Variants in CASP2 observed in about 807,000 individuals in gnomAD.
CASP2 encodes the protein caspase-2.
CASP2 carries 38 observed loss-of-function variants against 54.4 expected under a neutral mutation model. The observed-to-expected ratio is 0.70, with a 90% confidence interval of 0.54 to 0.92. The LOEUF (loss-of-function observed/expected upper bound fraction) is 0.92. Among genes scored for constraint, CASP2 ranks in the 40% least tolerant of loss-of-function variants. CASP2 has a pLI of 0.00. For synonymous variants in CASP2, 215 were observed against 216.3 expected (o/e 0.99, Z 0.05); for missense variants, 512 against 579.6 (o/e 0.88, Z 1.20).
intron 6 of CASP2, among the ~76,000 whole-genome samples, chr7:143,299,587 C>G (rs1400414503): frequency 6.6e-6 from 1 of 152,178 alleles, no homozygotes; most frequent in Non-Finnish European, 1.5e-5. Context: ...GGCAGTTGCT[C>G]TAATGAAGGA....
intron 8 of CASP2, chr7:143,301,292 A>C (rs1056571843): frequency 6.6e-6 from 1 of 152,084 alleles, no homozygotes; most frequent in African/African-American, 2.4e-5. Flanking sequence ...TCATGTGGCC[A>C]AATGTAAATA....
Position 143,292,288 on chromosome 7 carries a change from C to T in CASP2, c.226-12C>T, listed in dbSNP as rs1451893188. 1.2e-6 allele frequency: 2 copies of T among 1,613,550 alleles called. No individual in the cohort carries two copies. The highest frequency in any genetic ancestry group is 1.7e-6 in the Non-Finnish European group (2 of 1,179,566). ...AGTAAATATGATTTCATGTTTTATT[C>T]TTGTGTCTTAGGCCAAAGTGGGCAG... On this transcript the variant is annotated splice_polypyrimidine_tract_variant and intron_variant, in intron 2 of 10. Coordinates refer to ENST00000310447, the MANE Select transcript of CASP2 (RefSeq NM_032982.4).
chr7:143,293,105 C>CTTTTTTTTGTTTTTTTTT, intron 4 of CASP2: 2 of 610,828 alleles, frequency 3.3e-6, no homozygotes, highest in African/African-American at 2.2e-5. Context: ...AACATGAGCC[C>CTTTTTTTTGTTTTTTTTT]TTTTTTTTGT....
At chr7:143,289,965 C>T (rs1366117208) in intron 1 of CASP2, among the ~76,000 whole-genome samples, 1 of 151,934 alleles carries the variant, frequency 6.6e-6, no homozygotes. Flanking sequence ...AACTATAAAT[C>T]TCTCACCCAA....
chr7:143,288,798 T>A (rs894882366), intron 1 of CASP2, among the ~76,000 whole-genome samples: 1 of 151,974 alleles, frequency 6.6e-6, no homozygotes, highest in Admixed American at 6.5e-5. Context: ...AAAGGGGAGG[T>A]CTTTGCAGTC....
At chr7:143,303,406 C>T (rs935152837) in intron 8 of CASP2, 2 of 171,894 alleles carry the variant, frequency 1.2e-5, no homozygotes, top group Middle Eastern at 2.7e-3. Context: ...CAATAAAAAG[C>T]ACTGTGACTC....
At chr7:143,295,490 C>T (rs1801717361) in intron 6 of CASP2, among the ~76,000 whole-genome samples, 1 of 152,182 alleles carries the variant, frequency 6.6e-6, no homozygotes, top group Non-Finnish European at 1.5e-5. Context: ...TTCTATTTTG[C>T]AATCAATAAT....
Position 143,305,581 on chromosome 7 carries a change from A to G in CASP2, c.*510A>G, listed in dbSNP as rs1446182084. The G allele has an allele frequency of 2.2e-5, 6 of 267,868 alleles. No individual in the cohort carries two copies. The highest frequency in any genetic ancestry group is 1.3e-4 in the South Asian group (3 of 23,782). The allele number at this position is 267,868 out of a possible 1,614,324, so 16.6% of individuals were successfully genotyped here. On this transcript the variant is annotated 3_prime_UTR_variant, in exon 11 of 11. Coordinates refer to ENST00000310447, the MANE Select transcript of CASP2 (RefSeq NM_032982.4). The stretch of plus-strand genomic sequence containing the variant: ...ATTATCTTTTGGCTCTGAAGAAGCA[A>G]ACATGACTAGAGACGCACCTTGCTG...
At position 143,291,627 on chromosome 7, in the gene CASP2, C is replaced by T. The variant is rs370888284; in HGVS notation, c.162C>T (p.Ser54=). Residue 54 remains serine, a synonymous_variant, in exon 2 of 11, where the codon AGC becomes AGT. Transcript: ENST00000310447. ...RVVLAKQLLL[S]ELLEHLLEKD... ...TGCTAGCCAAACAGCTGTTGTTGAG[C>T]GAATTGTTAGAACATCTTCTGGAGA... The T allele has an allele frequency of 6.2e-6, 10 of 1,613,686 alleles. No individual in the cohort carries two copies. The highest frequency in any genetic ancestry group is 2.7e-5 in the African/African-American group (2 of 74,774).
chr7:143,306,096 A>G lies in CASP2; in HGVS notation c.*1025A>G, dbSNP rs1182796119. The G allele has an allele frequency of 6.6e-6, 1 of 152,112 alleles. No individual in the cohort carries two copies. The highest frequency in any genetic ancestry group is 1.5e-5 in the Non-Finnish European group (1 of 68,016). 9.4% of individuals were successfully genotyped at this position (152,112 alleles called of 1,614,324 possible). A position where few individuals can be genotyped will look rare whatever the true frequency, so the allele number is the denominator to read the frequency against. ...GATCATGTAAATGCTCAAAGATGTA[A>G]TGTAGTTCTTTGTTCCTGCTTTCTC... On this transcript the variant is annotated 3_prime_UTR_variant, in exon 11 of 11. Transcript: ENST00000310447.
At chr7:143,294,411 T>C in intron 5 of CASP2, 87 bp downstream of exon 5, 3 of 1,081,446 alleles carry the variant, frequency 2.8e-6, no homozygotes, top group Non-Finnish European at 4.3e-6. Context: ...CATGTACATT[T>C]CCTTTCTGCC....
chr7:143,300,802 C>T, intron 8 of CASP2: 1 of 1,170,634 alleles, frequency 8.5e-7, no homozygotes, highest in Non-Finnish European at 1.1e-6. Context: ...GATAGCAGAA[C>T]AGAATCCGTG....
rs1304518688 is a variant in CASP2, at chr7:143,299,993, C to T, written c.818C>T (p.Ala273Val). The T allele has an allele frequency of 2.5e-6, 4 of 1,614,124 alleles. No homozygotes were observed. Among genetic ancestry groups the T allele is most frequent in the East Asian group, 2.2e-5 (1 of 44,874 alleles). The change falls in exon 7 of 11, where the codon GCA becomes GTA. Residue 273 changes from alanine to valine, a missense_variant. Transcript: ENST00000310447. ...CGAGTCACGGACTCCTGCATCGTGG[C>T]ACTCCTCTCGCATGGTGTGGAGGGC... ...AHRVTDSCIV[A>V]LLSHGVEGAI...
chr7:143,294,173 A>G (rs1801673576), intron 4 of CASP2, 57 bp from the exon 5 acceptor site: 1 of 937,970 alleles, frequency 1.1e-6, no homozygotes, highest in Non-Finnish European at 1.8e-6. Flanking sequence ...ACAATGACAT[A>G]TTAAGATTGA....
intron 4 of CASP2, 101 bp downstream of exon 4, chr7:143,292,799 T>C: frequency 1.1e-6 from 1 of 911,760 alleles, no homozygotes; most frequent in East Asian, 2.5e-5. Context: ...TCACCTGAGG[T>C]CAGGAGTTCG....
chr7:143,290,184 C>T (rs1801514733), intron 1 of CASP2, among the ~76,000 whole-genome samples: 1 of 151,738 alleles, frequency 6.6e-6, no homozygotes, highest in Non-Finnish European at 1.5e-5. Flanking sequence ...TCTCAGCCTC[C>T]CGAGTAGCTA....
intron 9 of CASP2, among the ~76,000 whole-genome samples, chr7:143,304,467 C>T (rs1397914292): frequency 1.3e-5 from 2 of 152,156 alleles, no homozygotes; most frequent in Non-Finnish European, 2.9e-5. Context: ...GCTTTATTGC[C>T]ATATTCACTT....
At chr7:143,300,888 A>G (rs1801898224) in intron 8 of CASP2, 1 of 1,081,272 alleles carries the variant, frequency 9.2e-7, no homozygotes, top group Admixed American at 4.9e-5. Context: ...TACTCCTTTA[A>G]GAGCCAGGAC....
rs1294045393 is a variant in CASP2 at position 143,292,162 on chromosome 7, GA to G, written c.226-135del. The G allele has an allele frequency of 1.5e-5, 12 of 792,386 alleles. No individual in the cohort carries two copies. In the African/African-American group the frequency reaches 2.0e-4, roughly 14 times the overall value. The allele number at this position is 792,386 out of a possible 1,614,324, so 49.1% of individuals were successfully genotyped here. The stretch of plus-strand genomic sequence containing the variant: ...AATGATATATAACTCAAGAATAACA[GA>G]AAGGACTTCACCCATACATACACTT... On this transcript the variant is annotated intron_variant, in intron 2 of 10. Transcript: ENST00000310447.
Sources: gnomAD v4.1 joint callset for allele counts (sites outside exome capture counted in the v4.1 genomes callset) on GRCh38, gnomAD v4.1.1 for gene constraint, MANE v1.5 for transcripts, NCBI Gene and HGNC (gene_info 2026-07-23, HGNC 2026-07-21) for gene names.